The following GIPR variants were observed in gnomAD, a reference collection of about 807,000 sequenced individuals.
GIPR encodes gastric inhibitory polypeptide receptor.
A neutral mutation model predicts 62.2 loss-of-function variants in GIPR; 74 were observed. That is an observed-to-expected ratio of 1.19 (90% confidence interval 0.99 to 1.44). The LOEUF is 1.44. GIPR is among the 40% of genes most tolerant of loss of function. GIPR has a pLI of 0.00. For synonymous variants in GIPR, 256 were observed against 262.2 expected, an observed-to-expected ratio of 0.98 and a Z score of 0.23; for missense variants, 664 against 611.8, an observed-to-expected ratio of 1.09 and a Z score of -0.90.
At position 45,672,843 on chromosome 19, in the gene GIPR, C is replaced by T. The variant is rs963777655; in HGVS notation, c.281-8C>T. 10 of 1,568,516 alleles carry T rather than the reference C, an allele frequency of 6.4e-6. No homozygotes were observed. Among genetic ancestry groups the T allele is most frequent in the South Asian group, 1.1e-5 (1 of 90,140 alleles). Reference sequence around the variant, plus strand: ...TGTGCCTTAATTCCCTCTCTTCTTTCCCCACAGTGGCTGCAGGTTTCGTCC... The same window carrying T: ...TGTGCCTTAATTCCCTCTCTTCTTTTCCCACAGTGGCTGCAGGTTTCGTCC... On this transcript the variant is annotated splice_region_variant and splice_polypyrimidine_tract_variant and intron_variant, in intron 4 of 13. Transcript: ENST00000590918.
Position 45,669,632 on chromosome 19 carries a change from G to A in GIPR, c.72+40G>A, listed in dbSNP as rs1279187212. On this transcript the variant is annotated intron_variant, in intron 2 of 13. Coordinates refer to ENST00000590918, the MANE Select transcript of GIPR (RefSeq NM_000164.4). ...AGCCAGAGGAGCTCCAGGCTTGGAG[G>A]GAGGTATGGGGACGGTTTTAGGGCT... The A allele has an allele frequency of 9.7e-6, 15 of 1,547,424 alleles. No homozygotes were observed. The Admixed American group carries it at 2.9e-4, about 30-fold the overall frequency.
chr19:45,669,305 C>T (rs1280671737), intron 1 of GIPR, among the ~76,000 whole-genome samples, 172 bp from the exon 2 acceptor site: 3 of 152,226 alleles, frequency 2.0e-5, no homozygotes, highest in African/African-American at 7.2e-5. Context: ...GTGCCTCTCC[C>T]TCCCCCCAGA....
At position 45,674,781 on chromosome 19, in the gene GIPR, A is replaced by G. The variant is rs368098585; in HGVS notation, c.588A>G (p.Arg196=). 60 of 1,613,752 alleles carry G rather than the reference A, an allele frequency of 3.7e-5. No individual in the cohort carries two copies. The African/African-American group carries it at 6.7e-4, about 18-fold the overall frequency. ...TCAGCCGAGACCGTCTGCTACCTCG[A>G]CCTGGCCCCTACCTTGGGGACCAGG... ...AILSRDRLLP[R]PGPYLGDQAL... The change falls in exon 7 of 14, where the codon CGA becomes CGG. Residue 196 remains arginine (R), a synonymous_variant. Transcript: ENST00000590918.
rs1260704072 is a variant in GIPR, at chr19:45,683,258, GA to G, written c.*1324del. ...GGGCGAGCTGGAGATAGTAATGTGA[GA>G]GGCACTGGGTCCTGAGAGGGTGATT... On this transcript the variant is annotated 3_prime_UTR_variant, in exon 14 of 14. Coordinates refer to ENST00000590918, the MANE Select transcript of GIPR (RefSeq NM_000164.4). The G allele has an allele frequency of 1.3e-5, 2 of 152,618 alleles. No homozygotes were observed. The highest frequency in any genetic ancestry group is 4.8e-5 in the African/African-American group (2 of 41,424). The allele number at this position is 152,618 out of a possible 1,614,324, so 9.5% of individuals were successfully genotyped here.
intron 2 of GIPR, among the ~76,000 whole-genome samples, chr19:45,669,957 G>C (rs112328173): frequency 0.12 from 17,411 of 150,878 alleles, 1,276 homozygotes; most frequent in East Asian, 0.42. Context: ...TCGGGGTGGG[G>C]GGGGGAGGCT....
intron 6 of GIPR, 69 bp downstream of exon 6, chr19:45,674,246 G>T (rs565126733): frequency 9.8e-7 from 1 of 1,015,620 alleles, no homozygotes; most frequent in Non-Finnish European, 1.6e-6. Context: ...AGTAAGATGG[G>T]GTGGTCTGTT....
rs1167664394 is a variant in GIPR at position 45,670,675 on chromosome 19, G to A, written c.113G>A (p.Arg38His). 1.9e-6 allele frequency: 3 copies of A among 1,613,358 alleles called. No homozygotes were observed. The highest frequency in any genetic ancestry group is 2.5e-6 in the Non-Finnish European group (3 of 1,179,842). ...CAGACGGCGGGGGAGCTGTACCAGCGCTGGGAACGGTACCGCAGGGAGTGC... is the reference window on the plus strand; with the variant it reads ...CAGACGGCGGGGGAGCTGTACCAGCACTGGGAACGGTACCGCAGGGAGTGC... ...KGQTAGELYQ[R>H]WERYRRECQE... Residue 38 changes from arginine to histidine, a missense_variant, in exon 3 of 14, where the codon CGC becomes CAC. Transcript: ENST00000590918.
chr19:45,671,185 C>T lies in GIPR; in HGVS notation c.173-100C>T, dbSNP rs527655572. Reference sequence around the variant, plus strand: ...GCTTGGTGTGGCCGGCGGAGAAGCACTTGGCCCACTGCGGAGAAGCACTTG... The same window carrying T: ...GCTTGGTGTGGCCGGCGGAGAAGCATTTGGCCCACTGCGGAGAAGCACTTG... On this transcript the variant is annotated intron_variant, in intron 3 of 13. Coordinates refer to ENST00000590918, the MANE Select transcript of GIPR (RefSeq NM_000164.4). 116 of 780,442 alleles carry T rather than the reference C, an allele frequency of 1.5e-4. 1 individual carries two copies. The South Asian group carries it at 1.5e-3, about 10-fold the overall frequency. 48.3% of individuals were successfully genotyped at this position (780,442 alleles called of 1,614,324 possible). A position where few individuals can be genotyped will look rare whatever the true frequency, so the allele number is the denominator to read the frequency against.
chr19:45,669,018 G>A (rs569286187), intron 1 of GIPR, among the ~76,000 whole-genome samples: 1 of 152,080 alleles, frequency 6.6e-6, no homozygotes. Flanking sequence ...ACCCCACTAG[G>A]GGGTACTGAA....
At position 45,682,016 on chromosome 19, in the gene GIPR, T is replaced by TG; in HGVS notation, c.*85dup. 6 of 1,209,450 alleles carry TG rather than the reference T, an allele frequency of 5.0e-6. No individual in the cohort carries two copies. The highest frequency in any genetic ancestry group is 7.2e-6 in the Non-Finnish European group (6 of 838,506). The allele number at this position is 1,209,450 out of a possible 1,614,324, so 74.9% of individuals were successfully genotyped here. ...GTGCCAGGCCCAGTACGGAGGACGC[T>TG]GGGGAAATGGTGAAGGAAACAGAAA... On this transcript the variant is annotated 3_prime_UTR_variant, in exon 14 of 14. Coordinates refer to ENST00000590918, the MANE Select transcript of GIPR (RefSeq NM_000164.4).
intron 7 of GIPR, 151 bp from the exon 8 acceptor site, chr19:45,676,798 G>C: frequency 2.7e-6 from 2 of 743,054 alleles, no homozygotes; most frequent in African/African-American, 3.4e-5. Context: ...TAGGGTGAGA[G>C]AAACCAATCA....
At chr19:45,678,394 C>T in intron 12 of GIPR, 168 bp downstream of exon 12, 2 of 820,288 alleles carry the variant, frequency 2.4e-6, no homozygotes, top group South Asian at 1.6e-5. Context: ...GACGGATTCT[C>T]GCCCTGTCGC....
chr19:45,673,750 G>C (rs1975674358), intron 5 of GIPR, among the ~76,000 whole-genome samples: 1 of 152,126 alleles, frequency 6.6e-6, no homozygotes, highest in Non-Finnish European at 1.5e-5. Context: ...TGTAGTTCCA[G>C]CTACTCTGGA....
Position 45,669,861 on chromosome 19 carries a change from A to G in GIPR, c.72+269A>G, listed in dbSNP as rs560923402. Among the ~76,000 whole-genome samples, 6 of 150,406 alleles carry G rather than the reference A, an allele frequency of 4.0e-5. No homozygotes were observed. The South Asian group carries it at 1.3e-3, about 32-fold the overall frequency. ...CTACTCGGAAGGCTGAGGCAGGAGA[A>G]TCGCTTGAGCCCGGGAGGCAGAGGT... On this transcript the variant is annotated intron_variant, in intron 2 of 13. Transcript: ENST00000590918.
In GIPR at chr19:45,669,491, G is replaced by T. The variant is rs1975423179; in HGVS notation, c.-30G>T. On this transcript the variant is annotated 5_prime_UTR_variant, in exon 2 of 14. Coordinates refer to ENST00000590918, the MANE Select transcript of GIPR (RefSeq NM_000164.4). ...GGACCCTCCAGGCCTGATCGCCCCT[G>T]CACGAACCAGACCCTTCGCCGCCCT... 1.3e-6 allele frequency: 2 copies of T among 1,558,994 alleles called. No homozygotes were observed. The highest frequency in any genetic ancestry group is 3.8e-5 in the Admixed American group (2 of 52,538).
At position 45,681,869 on chromosome 19, in the gene GIPR, C is replaced by T; in HGVS notation, c.1335C>T (p.Gly445=). The T allele has an allele frequency of 6.4e-7, 1 of 1,555,040 alleles. No individual in the cohort carries two copies. Among genetic ancestry groups the T allele is most frequent in the Non-Finnish European group, 8.7e-7 (1 of 1,148,830 alleles). ...SGPGEVPTSR[G]LSSGTLPGPG... ...CGGGCGAGGTCCCCACCAGCCGCGGCTTGTCCTCGGGGACCCTCCCAGGGC... is the reference window on the plus strand; with the variant it reads ...CGGGCGAGGTCCCCACCAGCCGCGGTTTGTCCTCGGGGACCCTCCCAGGGC... Residue 445 remains glycine (G), a synonymous_variant, in exon 14 of 14, where the codon GGC becomes GGT. Coordinates refer to ENST00000590918, the MANE Select transcript of GIPR (RefSeq NM_000164.4).
chr19:45,674,765 A>T lies in GIPR; in HGVS notation c.572A>T (p.Asp191Val). 1 of 1,613,916 alleles carries T rather than the reference A, an allele frequency of 6.2e-7. No individual in the cohort carries two copies. Among genetic ancestry groups the T allele is most frequent in the Middle Eastern group, 1.6e-4 (1 of 6,062 alleles). The change falls in exon 7 of 14, where the codon GAC becomes GTC. Residue 191 changes from aspartate (D) to valine (V), a missense_variant. Physicochemically the swap from Asp to Val is radical, Grantham distance 152. Transcript: ENST00000590918. Reference protein sequence around the residue: ...MLRAAAILSRDRLLPRPGPYL... With the variant: ...MLRAAAILSRVRLLPRPGPYL... ...CGAGCTGCGGCCATTCTCAGCCGAGACCGTCTGCTACCTCGACCTGGCCCC... is the reference window on the plus strand; with the variant it reads ...CGAGCTGCGGCCATTCTCAGCCGAGTCCGTCTGCTACCTCGACCTGGCCCC...
intron 3 of GIPR, 69 bp from the exon 4 acceptor site, chr19:45,671,216 C>T: frequency 2.2e-6 from 2 of 899,914 alleles, no homozygotes; most frequent in South Asian, 2.8e-5. Flanking sequence ...ACTTGGCCCA[C>T]TGCGCAGTAG....
intron 5 of GIPR, among the ~76,000 whole-genome samples, 157 bp downstream of exon 5, chr19:45,673,111 G>A (rs1216088166): frequency 1.3e-5 from 2 of 152,150 alleles, no homozygotes; most frequent in Admixed American, 6.6e-5. Context: ...AAGATGTACT[G>A]CCTTCTGTGA....
Sources: allele counts gnomAD v4.1 joint callset (sites outside exome capture counted in the v4.1 genomes callset), GRCh38; gene constraint gnomAD v4.1.1; transcripts MANE v1.5; gene names NCBI Gene and HGNC (gene_info 2026-07-23, HGNC 2026-07-21).